The following ATP6V0E2 variants were observed in gnomAD, a reference collection of about 807,000 sequenced individuals.
The protein encoded by ATP6V0E2 is ATPase H+ transporting V0 subunit e2.
ATP6V0E2 carries 4 observed loss-of-function variants against 11.5 expected under a neutral mutation model. The ratio of observed to expected loss-of-function variants is 0.35; its 90% CI spans 0.17 to 0.80. The LOEUF (loss-of-function observed/expected upper bound fraction) is 0.80. Ranked by LOEUF, ATP6V0E2 falls within the 30% of genes least tolerant of loss-of-function variation. The probability of loss-of-function intolerance (pLI) is 0.53; values close to 1 mark genes in which losing one functional copy is unlikely to be tolerated. For missense variants in ATP6V0E2, 93 were observed against 113.5 expected (o/e 0.82, Z 0.82); for synonymous variants, 52 against 51.0 (o/e 1.02, Z -0.09).
chr7:149,877,925 C>T (rs779823869), intron 2 of ATP6V0E2, among the ~76,000 whole-genome samples: 1 of 152,210 alleles, frequency 6.6e-6, no homozygotes, highest in Non-Finnish European at 1.5e-5. Flanking sequence ...CTGATGGCTT[C>T]CTGGGCGTTA....
intron 1 of ATP6V0E2, chr7:149,874,501 C>G (rs2128947364): frequency 3.7e-6 from 1 of 271,964 alleles, no homozygotes; most frequent in Middle Eastern, 1.1e-3. Context: ...GAGCCAATAT[C>G]AAGTCTCAGT....
intron 2 of ATP6V0E2, among the ~76,000 whole-genome samples, chr7:149,877,527 A>G (rs982288276): frequency 6.6e-6 from 1 of 151,604 alleles, no homozygotes; most frequent in Non-Finnish European, 1.5e-5. Flanking sequence ...GTTAGAAATA[A>G]TGATGACTAT....
chr7:149,873,999 G>T lies in ATP6V0E2; in HGVS notation c.-67G>T. On this transcript the variant is annotated 5_prime_UTR_variant, in exon 1 of 4. Coordinates refer to ENST00000425642, the MANE Select transcript of ATP6V0E2 (RefSeq NM_145230.4). ...GCATGCTCAGCGCGCTGCCCGGCTG[G>T]GGACCCGCGCACCTGCAGCGCCCGC... is the stretch of plus-strand genomic sequence containing the variant. 2.6e-6 allele frequency: 4 copies of T among 1,545,648 alleles called. No individual in the cohort carries two copies. The highest frequency in any genetic ancestry group is 1.7e-6 in the Non-Finnish European group (2 of 1,145,672).
intron 1 of ATP6V0E2, 96 bp downstream of exon 1, chr7:149,874,265 C>A: frequency 7.1e-7 from 1 of 1,416,788 alleles, no homozygotes; most frequent in South Asian, 1.5e-5. Context: ...TGCTCTGCAG[C>A]GAGCGTCCGC....
rs1360995009 is a variant in ATP6V0E2 at position 149,874,061 on chromosome 7, C to T, written c.-5C>T. ...GCATCCTGCCTGGGCATCCTGCGCC[C>T]GGCCATGACGGCGCACTCATTCGCC... On this transcript the variant is annotated 5_prime_UTR_variant, in exon 1 of 4. Transcript: ENST00000425642. 1 of 1,549,944 alleles carries T rather than the reference C, an allele frequency of 6.5e-7. No homozygotes were observed. Among genetic ancestry groups the T allele is most frequent in the Non-Finnish European group, 8.7e-7 (1 of 1,146,634 alleles).
chr7:149,873,837 C>T, upstream of ATP6V0E2: 4 of 1,437,758 alleles, frequency 2.8e-6, no homozygotes, highest in South Asian at 2.9e-5. Context: ...GCATTTCTCT[C>T]TGTCCGCGGC....
At chr7:149,875,767 A>G (rs1019583149) in intron 2 of ATP6V0E2, 122 bp downstream of exon 2, 8 of 954,022 alleles carry the variant, frequency 8.4e-6, no homozygotes, top group Non-Finnish European at 1.3e-5. Flanking sequence ...GGCTGAACCT[A>G]TAAAACAACA....
At chr7:149,876,353 G>C (rs1182897316) in intron 2 of ATP6V0E2, among the ~76,000 whole-genome samples, 1 of 152,180 alleles carries the variant, frequency 6.6e-6, no homozygotes, top group African/African-American at 2.4e-5. Context: ...TCCAGCCTGG[G>C]CAACAGAGTG....
chr7:149,877,889 T>C (rs536023070), intron 2 of ATP6V0E2, among the ~76,000 whole-genome samples: 1 of 152,288 alleles, frequency 6.6e-6, no homozygotes, highest in East Asian at 1.9e-4. Context: ...TCGGAGAGAA[T>C]GCTGATGTAA....
At position 149,874,113 on chromosome 7, in the gene ATP6V0E2, C is replaced by T. The variant is rs781168188; in HGVS notation, c.48C>T (p.Phe16=). ...TCCCGGTCATCATCTTCACCACGTT[C>T]TGGGGCCTCGTCGGCATCGCCGGGC... The part of the protein sequence containing the change: ...FALPVIIFTT[F]WGLVGIAGPW... The change falls in exon 1 of 4, where the codon TTC becomes TTT. Residue 16 remains phenylalanine (F), a synonymous_variant. Transcript: ENST00000425642. 3.2e-5 allele frequency: 49 copies of T among 1,549,862 alleles called. No individual in the cohort carries two copies. Among genetic ancestry groups the T allele is most frequent in the Non-Finnish European group, 4.1e-5 (47 of 1,146,618 alleles).
Position 149,880,021 on chromosome 7 carries a change from G to A in ATP6V0E2, c.*706G>A, listed in dbSNP as rs544105147. On this transcript the variant is annotated 3_prime_UTR_variant, in exon 4 of 4. Coordinates refer to ENST00000425642, the MANE Select transcript of ATP6V0E2 (RefSeq NM_145230.4). ...CCTCAGTGGATGTCTTCCCTCCCCC[G>A]ACCCCAGCCTGTCAGTCCGAGCACA... 8.9e-4 allele frequency: 176 copies of A among 198,244 alleles called. No individual in the cohort carries two copies. Among genetic ancestry groups the A allele is most frequent in the Non-Finnish European group, 1.4e-3 (141 of 98,788 alleles). The allele number at this position is 198,244 out of a possible 1,614,324, so 12.3% of individuals were successfully genotyped here. A position where few individuals can be genotyped will look rare whatever the true frequency, so the allele number is the denominator to read the frequency against.
At position 149,879,442 on chromosome 7, in the gene ATP6V0E2, C is replaced by T; in HGVS notation, c.*127C>T. ...GTCACCAGCTCCCTCCTGCTGGCAC[C>T]CAGAGACCCGGACCCGCAGGGCCTG... On this transcript the variant is annotated 3_prime_UTR_variant, in exon 4 of 4. Transcript: ENST00000425642. 1 of 1,602,970 alleles carries T rather than the reference C, an allele frequency of 6.2e-7. No individual in the cohort carries two copies. The highest frequency in any genetic ancestry group is 8.5e-7 in the Non-Finnish European group (1 of 1,175,352).
At chr7:149,874,249 G>A in intron 1 of ATP6V0E2, 80 bp downstream of exon 1, 1 of 1,461,362 alleles carries the variant, frequency 6.8e-7, no homozygotes, top group South Asian at 1.4e-5. Flanking sequence ...CGGGGCGGCG[G>A]CTTCCTGCTC....
rs1001945750 is a variant in ATP6V0E2 at position 149,874,473 on chromosome 7, T to C, written c.104+304T>C. 2.5e-5 allele frequency: 9 copies of C among 357,038 alleles called. No individual in the cohort carries two copies. The Admixed American group carries it at 4.0e-4, about 16-fold the overall frequency. 22.1% of individuals were successfully genotyped at this position (357,038 alleles called of 1,614,324 possible). ...GCACTGACGCAGTTTCTCCACTCCT[T>C]GCTAGCTGTGTGACCTAGAGCCAAT... On this transcript the variant is annotated intron_variant, in intron 1 of 3. Transcript: ENST00000425642.
chr7:149,873,944 TGATC>T (rs766436370), upstream of ATP6V0E2: 1 of 1,541,782 alleles, frequency 6.5e-7, no homozygotes, highest in East Asian at 2.4e-5. Flanking sequence ...CCGGCCCGGC[TGATC>T]GCTTCGGGTG....
chr7:149,878,788 C>T lies in ATP6V0E2; in HGVS notation c.*17C>T, dbSNP rs772418061. On this transcript the variant is annotated splice_region_variant and 3_prime_UTR_variant, in exon 3 of 4. Coordinates refer to ENST00000425642, the MANE Select transcript of ATP6V0E2 (RefSeq NM_145230.4). ...TGGGAGTGACCCGCCGCCCCCGACC[C>T]AGGTACTGTGTGGGCGAGGGGTGTG... is the stretch of plus-strand genomic sequence containing the variant. The T allele has an allele frequency of 1.9e-6, 3 of 1,612,486 alleles. No individual in the cohort carries two copies. The highest frequency in any genetic ancestry group is 2.5e-6 in the Non-Finnish European group (3 of 1,179,740).
At chr7:149,875,475 A>G (rs1803074550) in intron 1 of ATP6V0E2, 123 bp from the exon 2 acceptor site, 4 of 903,060 alleles carry the variant, frequency 4.4e-6, no homozygotes, top group Non-Finnish European at 7.4e-6. Context: ...TCCTGTGTCC[A>G]GGAGGCATCA....
rs780794178 is a variant in ATP6V0E2 at position 149,879,340 on chromosome 7, C to T, written c.*25C>T. On this transcript the variant is annotated 3_prime_UTR_variant, in exon 4 of 4. Transcript: ENST00000425642. ...CCATGTGATGTGCTTTTCAGGTGCC[C>T]AGCTCTCGGAATGACTGTGGCTCCA... The T allele has an allele frequency of 6.5e-7, 1 of 1,534,184 alleles. No homozygotes were observed. Among genetic ancestry groups the T allele is most frequent in the Non-Finnish European group, 8.8e-7 (1 of 1,137,018 alleles).
Position 149,879,708 on chromosome 7 carries a change from T to G in ATP6V0E2, c.*393T>G, listed in dbSNP as rs977332364. 8 of 1,363,876 alleles carry G rather than the reference T, an allele frequency of 5.9e-6. No individual in the cohort carries two copies. Among genetic ancestry groups the G allele is most frequent in the Non-Finnish European group, 7.6e-6 (8 of 1,050,194 alleles). The allele number at this position is 1,363,876 out of a possible 1,614,324, so 84.5% of individuals were successfully genotyped here. On this transcript the variant is annotated 3_prime_UTR_variant, in exon 4 of 4. Coordinates refer to ENST00000425642, the MANE Select transcript of ATP6V0E2 (RefSeq NM_145230.4). ...ACACGTGTCCTCATGGAGAGGGTGC[T>G]CCGGCCCAGGCGGGGGAGTCAGTGC... is the stretch of plus-strand genomic sequence containing the variant.
Sources: gnomAD v4.1 joint callset for allele counts (sites outside exome capture counted in the v4.1 genomes callset) on GRCh38, gnomAD v4.1.1 for gene constraint, MANE v1.5 for transcripts, NCBI Gene and HGNC (gene_info 2026-07-23, HGNC 2026-07-21) for gene names.